UNC13C: variants seen among roughly 807,000 people sequenced by gnomAD.
UNC13C encodes the protein protein unc-13 homolog C.
UNC13C carries 174 observed loss-of-function variants against 245.4 expected under a neutral mutation model. The observed-to-expected ratio is 0.71, with a 90% CI of 0.63 to 0.80. The LOEUF (loss-of-function observed/expected upper bound fraction) is 0.80. Ranked by LOEUF, UNC13C falls within the 30% of genes least tolerant of loss-of-function variation. The pLI is 0.00. For synonymous variants in UNC13C, 992 were observed against 895.1 expected, an observed-to-expected ratio of 1.11 and a Z score of -1.93; for missense variants, 2,829 against 2,602.9, an observed-to-expected ratio of 1.09 and a Z score of -1.89.
chr15:54,420,009 T>C (rs139987093), intron 19 of UNC13C, among the ~76,000 whole-genome samples: 19 of 152,182 alleles, frequency 1.2e-4, no homozygotes, highest in African/African-American at 3.9e-4. Context: ...AGTTAATTGT[T>C]TTAGTAGCTA....
At chr15:54,361,948 C>T (rs1298793829) in intron 17 of UNC13C, among the ~76,000 whole-genome samples, 1 of 152,168 alleles carries the variant, frequency 6.6e-6, no homozygotes, top group Non-Finnish European at 1.5e-5. Context: ...GCACCAAAAC[C>T]TAATTCCAAC....
intron 30 of UNC13C, among the ~76,000 whole-genome samples, chr15:54,596,650 G>A (rs1033829137): frequency 1.3e-5 from 2 of 152,210 alleles, no homozygotes; most frequent in Non-Finnish European, 2.9e-5. Flanking sequence ...TGATCCCCCA[G>A]TGTTGGAGGT....
At chr15:54,533,189 G>A (rs1343751408) in intron 26 of UNC13C, 123 bp downstream of exon 26, 37 of 659,088 alleles carry the variant, frequency 5.6e-5, no homozygotes, top group Non-Finnish European at 1.2e-5. Flanking sequence ...AGAAATAAAT[G>A]AATTCAAAGA....
intron 20 of UNC13C, among the ~76,000 whole-genome samples, chr15:54,496,856 T>C (rs558686342): frequency 4.6e-5 from 7 of 151,938 alleles, no homozygotes; most frequent in Non-Finnish European, 7.4e-5. Context: ...AGACTACACA[T>C]TGGGTACAGT....
chr15:54,595,281 CTT>C (rs1232780922), intron 30 of UNC13C, among the ~76,000 whole-genome samples: 6 of 152,012 alleles, frequency 3.9e-5, no homozygotes, highest in African/African-American at 1.2e-4. Flanking sequence ...AATAAGGAGA[CTT>C]TTCTCCTCAG....
At chr15:53,926,651 A>C in the UNC13C span, among the ~76,000 whole-genome samples, 12 of 152,252 alleles carry the variant, frequency 7.9e-5, no homozygotes, top group Admixed American at 5.9e-4. Context: ...ATTGCAAGGC[A>C]GTGTGGTAAA....
At chr15:54,463,543 G>T (rs148581813) in intron 19 of UNC13C, among the ~76,000 whole-genome samples, 4,466 of 151,740 alleles carry the variant, frequency 0.029, 179 homozygotes, top group Admixed American at 0.12. Context: ...AATTCCAGAC[G>T]CGCCGCCTTA....
At chr15:54,441,772 G>A (rs565674381) in intron 19 of UNC13C, among the ~76,000 whole-genome samples, 1 of 151,864 alleles carries the variant, frequency 6.6e-6, no homozygotes, top group South Asian at 2.1e-4. Flanking sequence ...ACTATTGGTT[G>A]ATTTACGTGT....
chr15:53,947,661 G>C, the UNC13C span: 1 of 152,098 alleles, frequency 6.6e-6, no homozygotes, highest in Admixed American at 6.5e-5. Flanking sequence ...ATCTGTGTCC[G>C]TTCGATCTTG....
intron 4 of UNC13C, among the ~76,000 whole-genome samples, chr15:54,158,310 G>A (rs1335122825): frequency 6.6e-6 from 1 of 152,124 alleles, no homozygotes; most frequent in Non-Finnish European, 1.5e-5. Flanking sequence ...CATGCATGGT[G>A]CAGTGTCATT....
intron 2 of UNC13C, among the ~76,000 whole-genome samples, chr15:54,103,214 C>T (rs1039568991): frequency 6.6e-5 from 10 of 152,172 alleles, no homozygotes; most frequent in African/African-American, 2.4e-4. Flanking sequence ...CATACACATG[C>T]TCTCTTACAC....
intron 19 of UNC13C, among the ~76,000 whole-genome samples, chr15:54,439,884 A>G (rs1890423048): frequency 1.3e-5 from 2 of 151,822 alleles, no homozygotes; most frequent in African/African-American, 4.8e-5. Flanking sequence ...ATTAGAACTT[A>G]TTTCTTCTAT....
chr15:54,227,311 C>T (rs907437584), intron 4 of UNC13C, among the ~76,000 whole-genome samples: 1 of 152,160 alleles, frequency 6.6e-6, no homozygotes, highest in Non-Finnish European at 1.5e-5. Context: ...GCTGTGGACT[C>T]CACCCAGAAC....
At chr15:53,921,165 T>G in the UNC13C span, among the ~76,000 whole-genome samples, 1 of 152,190 alleles carries the variant, frequency 6.6e-6, no homozygotes, top group South Asian at 2.1e-4. Context: ...CTTTTTTCTA[T>G]GACAGGAAAG....
intron 19 of UNC13C, among the ~76,000 whole-genome samples, chr15:54,463,281 G>GGGGGGGGGGGGGGC (rs1221917189): frequency 1.4e-5 from 1 of 68,966 alleles, no homozygotes; most frequent in Admixed American, 1.3e-4. Context: ...GGGGGGGGGG[G>GGGGGGGGGGGGGGC]GCCGGTCAGG....
intron 10 of UNC13C, among the ~76,000 whole-genome samples, chr15:54,284,714 C>G (rs1008313187): frequency 3.3e-5 from 5 of 152,110 alleles, no homozygotes; most frequent in Non-Finnish European, 5.9e-5. Flanking sequence ...AGTGGTCTCT[C>G]TTTTCGTAGC....
intron 31 of UNC13C, among the ~76,000 whole-genome samples, chr15:54,623,233 A>T (rs994448570): frequency 2.6e-5 from 4 of 152,106 alleles, no homozygotes; most frequent in Non-Finnish European, 5.9e-5. Flanking sequence ...AACAGCTATA[A>T]TATCTAACAA....
At chr15:54,483,018 A>G (rs1013663740) in intron 19 of UNC13C, among the ~76,000 whole-genome samples, 2 of 152,226 alleles carry the variant, frequency 1.3e-5, no homozygotes, top group African/African-American at 4.8e-5. Flanking sequence ...ACATTTAGGT[A>G]GCTTTTAACA....
chr15:54,201,112 A>C (rs1298681543), intron 4 of UNC13C, among the ~76,000 whole-genome samples: 1 of 152,106 alleles, frequency 6.6e-6, no homozygotes, highest in Non-Finnish European at 1.5e-5. Flanking sequence ...AGATTGAACC[A>C]GGAAGATATA....
Sources: gnomAD v4.1 joint callset for allele counts (sites outside exome capture counted in the v4.1 genomes callset) on GRCh38, gnomAD v4.1.1 for gene constraint, MANE v1.5 for transcripts, NCBI Gene and HGNC (gene_info 2026-07-23, HGNC 2026-07-21) for gene names.